The following LRRC7 variants were observed in gnomAD, a reference collection of about 807,000 sequenced individuals.
The protein encoded by LRRC7 is leucine-rich repeat-containing protein 7.
LRRC7 carries 23 observed loss-of-function variants against 175.7 expected under a neutral mutation model. The observed-to-expected ratio is 0.13, with a 90% CI of 0.09 to 0.19. The LOEUF (loss-of-function observed/expected upper bound fraction) is 0.19. LRRC7 is among the 10% of genes least tolerant of loss of function. The pLI is 1.00. For synonymous variants in LRRC7, 685 were observed against 680.9 expected (o/e 1.01, Z -0.09); for missense variants, 1,354 against 1,904.7 (o/e 0.71, Z 5.38).
At position 70,136,053 on chromosome 1, in the gene LRRC7, CTGTGTGTGTCTGTGTGTGTGTCTG is replaced by C. The variant is rs887908194; in HGVS notation, c.*14176_*14199del. ...CTTGGGAATTAATATCTCTCTCTCT[CTGTGTGTGTCTGTGTGTGTGTCTG>C]TGTGTGTGTGTGTGTGTGTGTCTAT... is the stretch of plus-strand genomic sequence containing the variant. On this transcript the variant is annotated 3_prime_UTR_variant, in exon 27 of 27. Transcript: ENST00000651989. Among the ~76,000 whole-genome samples the C allele has an allele frequency of 1.0e-5, 1 of 98,696 alleles. No individual in the cohort carries two copies. The highest frequency in any genetic ancestry group is 2.0e-5 in the Non-Finnish European group (1 of 49,948). The allele number at this position is 98,696 out of a possible 152,430, so 64.7% of individuals were successfully genotyped here.
At chr1:70,009,347 CTTTCTTTCT>C (rs1656279010) in intron 11 of LRRC7, among the ~76,000 whole-genome samples, 1 of 144,552 alleles carries the variant, frequency 6.9e-6, no homozygotes, top group African/African-American at 2.6e-5. Context: ...TTTTTTCTTT[CTTTCTTTCT>C]TTTTTTTTTT....
At chr1:69,968,852 T>A (rs574943275) in intron 8 of LRRC7, among the ~76,000 whole-genome samples, 170 of 151,984 alleles carry the variant, frequency 1.1e-3, no homozygotes, top group Non-Finnish European at 1.1e-3. Context: ...ATAGTCTTGC[T>A]CTGTCTCCCA....
intron 2 of LRRC7, among the ~76,000 whole-genome samples, chr1:69,717,576 G>A (rs1234801911): frequency 6.6e-6 from 1 of 151,416 alleles, no homozygotes; most frequent in Admixed American, 6.6e-5. Context: ...AGTGGCACAC[G>A]CTTATCCTAT....
intron 5 of LRRC7, 25 bp from the exon 6 acceptor site, chr1:69,834,755 G>A (rs772701206): frequency 8.2e-5 from 128 of 1,563,150 alleles, no homozygotes; most frequent in Middle Eastern, 6.7e-4. Context: ...TCAATGCAGT[G>A]ACTAAAACTT....
chr1:69,634,201 T>A (rs544993247), intron 1 of LRRC7, among the ~76,000 whole-genome samples: 1 of 152,052 alleles, frequency 6.6e-6, no homozygotes, highest in Non-Finnish European at 1.5e-5. Context: ...TTTACAGATA[T>A]GGAAACTGAG....
chr1:69,981,486 C>T (rs990555743), intron 9 of LRRC7, among the ~76,000 whole-genome samples: 16 of 152,162 alleles, frequency 1.1e-4, no homozygotes, highest in African/African-American at 3.9e-4. Context: ...AAAATATGCA[C>T]ATCTATTGTT....
intron 5 of LRRC7, among the ~76,000 whole-genome samples, chr1:69,831,531 C>G (rs1253301233): frequency 1.3e-5 from 2 of 152,028 alleles, no homozygotes; most frequent in Admixed American, 6.6e-5. Context: ...TGGATACTCT[C>G]ATACATAAAG....
intron 2 of LRRC7, among the ~76,000 whole-genome samples, chr1:69,697,606 A>T (rs1160120312): frequency 6.6e-6 from 1 of 152,218 alleles, no homozygotes; most frequent in Non-Finnish European, 1.5e-5. Context: ...TACACTAATG[A>T]TAAAATTGTC....
chr1:70,092,359 T>G (rs1664091106), intron 25 of LRRC7, among the ~76,000 whole-genome samples: 1 of 152,132 alleles, frequency 6.6e-6, no homozygotes, highest in Non-Finnish European at 1.5e-5. Context: ...AGTTTAAACT[T>G]TAATATGATA....
intron 3 of LRRC7, among the ~76,000 whole-genome samples, chr1:69,785,596 C>T (rs1013042147): frequency 1.5e-4 from 23 of 151,708 alleles, no homozygotes; most frequent in Admixed American, 1.3e-4. Flanking sequence ...AAGTCTTTTC[C>T]ACTTCTTTAT....
chr1:69,774,712 C>T (rs1285926946), intron 3 of LRRC7, among the ~76,000 whole-genome samples: 1 of 152,068 alleles, frequency 6.6e-6, no homozygotes, highest in African/African-American at 2.4e-5. Flanking sequence ...AACAAATCCA[C>T]ATTATTAATG....
At chr1:69,852,166 A>T (rs1455657538) in intron 7 of LRRC7, among the ~76,000 whole-genome samples, 1 of 151,806 alleles carries the variant, frequency 6.6e-6, no homozygotes. Flanking sequence ...TCTCGATGGG[A>T]GCATTTTTCA....
At chr1:69,615,248 C>T (rs1175656415) in intron 1 of LRRC7, among the ~76,000 whole-genome samples, 1 of 152,002 alleles carries the variant, frequency 6.6e-6, no homozygotes, top group Non-Finnish European at 1.5e-5. Context: ...ATCTCCCTTT[C>T]CTCGTAATAA....
intron 7 of LRRC7, among the ~76,000 whole-genome samples, chr1:69,890,150 G>A (rs1645790146): frequency 1.3e-5 from 2 of 152,104 alleles, no homozygotes; most frequent in Non-Finnish European, 2.9e-5. Flanking sequence ...TCTCCAGAAT[G>A]TTTTCAATTT....
At chr1:69,737,074 G>T (rs1358022638) in intron 2 of LRRC7, among the ~76,000 whole-genome samples, 1 of 152,064 alleles carries the variant, frequency 6.6e-6, no homozygotes, top group Non-Finnish European at 1.5e-5. Flanking sequence ...TATACTGTAA[G>T]CTACTTAAGA....
chr1:69,855,490 A>G (rs536680104), intron 7 of LRRC7, among the ~76,000 whole-genome samples: 1 of 152,224 alleles, frequency 6.6e-6, no homozygotes, highest in South Asian at 2.1e-4. Flanking sequence ...GGTTTGAGGG[A>G]CAGTTTGTTA....
intron 1 of LRRC7, among the ~76,000 whole-genome samples, chr1:69,623,141 T>G (rs1650909641): frequency 6.6e-6 from 1 of 152,220 alleles, no homozygotes; most frequent in East Asian, 1.9e-4. Flanking sequence ...AGTTCTTCCC[T>G]GTATAACTGA....
chr1:69,749,220 T>C (rs1420028289), intron 2 of LRRC7, among the ~76,000 whole-genome samples: 1 of 152,210 alleles, frequency 6.6e-6, no homozygotes, highest in African/African-American at 2.4e-5. Context: ...ACCCAGGTGA[T>C]ATGATGAGGA....
intron 2 of LRRC7, among the ~76,000 whole-genome samples, chr1:69,688,518 G>T (rs925657598): frequency 6.6e-6 from 1 of 151,986 alleles, no homozygotes; most frequent in Admixed American, 6.6e-5. Context: ...CATTCTCTGG[G>T]TGTCAGCTTT....
Sources: allele counts gnomAD v4.1 joint callset (sites outside exome capture counted in the v4.1 genomes callset), GRCh38; gene constraint gnomAD v4.1.1; transcripts MANE v1.5; gene names NCBI Gene and HGNC (gene_info 2026-07-23, HGNC 2026-07-21).